PHKA1: variants seen among roughly 807,000 people sequenced by gnomAD.
PHKA1 encodes phosphorylase b kinase regulatory subunit alpha, skeletal muscle isoform.
A neutral mutation model predicts 110.2 loss-of-function variants in PHKA1; 60 were observed. That is an observed-to-expected ratio of 0.54 (90% CI 0.44 to 0.68). The LOEUF is 0.68. PHKA1 is among the 30% of genes least tolerant of loss of function. The pLI, the probability that PHKA1 is intolerant of heterozygous loss-of-function variation, is 0.00. For synonymous variants in PHKA1, 316 were observed against 333.6 expected (o/e 0.95, Z 0.58); for missense variants, 801 against 942.5 (o/e 0.85, Z 1.97).
chrX:72,593,240 G>T lies in PHKA1; in HGVS notation c.3107C>A (p.Ser1036Tyr). ...PGTSMTPSSG[S>Y]FPSAYDQQSS... Reference sequence around the variant, plus strand: ...CTGCTGATCATATGCACTAGGAAAGGACCCACTACTTGGAGTCATAGAGGT... The same window carrying T: ...CTGCTGATCATATGCACTAGGAAAGTACCCACTACTTGGAGTCATAGAGGT... Residue 1036 changes from serine to tyrosine, a missense_variant, in exon 29 of 32, where the codon TCC (serine) becomes TAC (tyrosine). This residue lies in a region of PHKA1 where 502 missense variants were observed against 519.2 expected (regional missense o/e 0.97). Transcript: ENST00000373542. The T allele has an allele frequency of 8.3e-7, 1 of 1,206,093 alleles. No homozygotes were observed. The highest frequency in any genetic ancestry group is 3.0e-5 in the East Asian group (1 of 33,848).
Position 72,618,717 on chromosome X carries a change from T to C in PHKA1, c.2362A>G (p.Thr788Ala). The C allele has an allele frequency of 8.4e-7, 1 of 1,188,724 alleles. No individual in the cohort carries two copies. The highest frequency in any genetic ancestry group is 1.7e-5 in the African/African-American group (1 of 57,387). The change falls in exon 21 of 32, where the codon ACT becomes GCT. Residue 788 changes from threonine (T) to alanine (A), a missense_variant. Transcript: ENST00000373542. Reference sequence around the variant, plus strand: ...ATAATATCCACCACTTACTTCATAGTATACAGCATATAGAGGATATCAGCT... The same window carrying C: ...ATAATATCCACCACTTACTTCATAGCATACAGCATATAGAGGATATCAGCT... ...EQADILYMLYTMKGPDWNTEL... is the reference protein window; with the variant it reads ...EQADILYMLYAMKGPDWNTEL...
At chrX:72,584,498 A>G (rs1246512700) in intron 29 of PHKA1, among the ~76,000 whole-genome samples, 196 bp from the exon 30 acceptor site, 10 of 111,693 alleles carry the variant, frequency 9.0e-5, no homozygotes, top group Non-Finnish European at 1.9e-4. Context: ...GCCAAGATGC[A>G]GGATTGGACT....
intron 3 of PHKA1, among the ~76,000 whole-genome samples, chrX:72,699,613 CA>C (rs1379146707): frequency 4.0e-5 from 4 of 99,065 alleles, no homozygotes; most frequent in South Asian, 4.6e-4. Flanking sequence ...CTGAGATTAA[CA>C]AAAAAAAATT....
At chrX:72,657,790 T>G in intron 8 of PHKA1, 149 bp from the exon 9 acceptor site, 1 of 444,977 alleles carries the variant, frequency 2.2e-6, no homozygotes, top group Non-Finnish European at 3.9e-6. Flanking sequence ...TATAATAATA[T>G]AATAATGCTT....
chrX:72,672,989 T>G (rs148487029), intron 6 of PHKA1, among the ~76,000 whole-genome samples: 1 of 112,198 alleles, frequency 8.9e-6, no homozygotes. Context: ...GAAAGACAAG[T>G]AAGGACTGAG....
At chrX:72,659,380 A>G (rs1556303070) in intron 8 of PHKA1, among the ~76,000 whole-genome samples, 2 of 110,966 alleles carry the variant, frequency 1.8e-5, no homozygotes, top group African/African-American at 6.6e-5. Flanking sequence ...CCACTTCTCC[A>G]AGGAGCCCTA....
At position 72,713,696 on chromosome X, in the gene PHKA1, ACACACC is replaced by A. The variant is rs1180765942; in HGVS notation, c.78+101_78+106del. On this transcript the variant is annotated intron_variant, in intron 1 of 31. Coordinates refer to ENST00000373542, the MANE Select transcript of PHKA1 (RefSeq NM_002637.4). ...CACACACACACACACACACACACAC[ACACACC>A]CACACACGCACGCACGCACGGAGTT... 4.9e-6 allele frequency: 3 copies of A among 611,940 alleles called. No homozygotes were observed. The African/African-American group carries it at 6.7e-5, about 14-fold the overall frequency. The allele number at this position is 611,940 out of a possible 1,213,427, so 50.4% of individuals were successfully genotyped here.
chrX:72,591,770 A>G (rs2052525233), intron 29 of PHKA1, among the ~76,000 whole-genome samples: 1 of 112,168 alleles, frequency 8.9e-6, no homozygotes, highest in Non-Finnish European at 1.9e-5. Context: ...GCCAATTTTA[A>G]TTACTGTACA....
chrX:72,682,934 T>TTAAAAAAAAAAAAAAAAA (rs1556317402), intron 5 of PHKA1, among the ~76,000 whole-genome samples: 2 of 63,857 alleles, frequency 3.1e-5, no homozygotes, highest in Admixed American at 2.0e-4. Flanking sequence ...AAAAATAAAT[T>TTAAAAAAAAAAAAAAAAA]AAAAAAAAAA....
Position 72,714,114 on chromosome X carries a change from G to T in PHKA1, c.-234C>A, listed in dbSNP as rs2054427885. On this transcript the variant is annotated 5_prime_UTR_variant, in exon 1 of 32. Transcript: ENST00000373542. Reference sequence around the variant, plus strand: ...CCAGCGCTAGCACTGGCTTCCCGCGGTCTAGAGCCCCGCCGCAGCGCCCCA... The same window carrying T: ...CCAGCGCTAGCACTGGCTTCCCGCGTTCTAGAGCCCCGCCGCAGCGCCCCA... 1 of 417,674 alleles carries T rather than the reference G, an allele frequency of 2.4e-6. No individual in the cohort carries two copies. Among genetic ancestry groups the T allele is most frequent in the Admixed American group, 4.1e-5 (1 of 24,590 alleles). The allele number at this position is 417,674 out of a possible 1,213,427, so 34.4% of individuals were successfully genotyped here.
chrX:72,626,863 G>T, intron 17 of PHKA1, 108 bp downstream of exon 17: 1 of 633,462 alleles, frequency 1.6e-6, no homozygotes, highest in Non-Finnish European at 2.7e-6. Context: ...TCAAATTGTA[G>T]ATAAGGGGGG....
intron 28 of PHKA1, among the ~76,000 whole-genome samples, chrX:72,598,616 G>C (rs2052620474): frequency 9.0e-6 from 1 of 111,686 alleles, no homozygotes; most frequent in African/African-American, 3.3e-5. Context: ...TCCATCAACT[G>C]ATGAATGGAT....
At chrX:72,641,800 T>G (rs182494508) in intron 14 of PHKA1, among the ~76,000 whole-genome samples, 27 of 111,642 alleles carry the variant, frequency 2.4e-4, no homozygotes, top group African/African-American at 7.5e-4. Flanking sequence ...GTTGCAATAA[T>G]AGAATTTTGA....
chrX:72,693,241 C>T (rs1366404983), intron 4 of PHKA1, among the ~76,000 whole-genome samples: 1 of 111,685 alleles, frequency 9.0e-6, no homozygotes, highest in Non-Finnish European at 1.9e-5. Flanking sequence ...ATAATCTATC[C>T]TGAAAAATGT....
At chrX:72,695,553 G>A (rs1344993356) in intron 4 of PHKA1, among the ~76,000 whole-genome samples, 155 bp downstream of exon 4, 7 of 111,343 alleles carry the variant, frequency 6.3e-5, no homozygotes, top group African/African-American at 2.3e-4. Context: ...GCCCTTCTTT[G>A]CCATCTCATG....
chrX:72,656,789 G>C lies in PHKA1; in HGVS notation c.919-547C>G, dbSNP rs1372711914. Among the ~76,000 whole-genome samples the C allele has an allele frequency of 2.7e-5, 3 of 111,671 alleles. No homozygotes were observed. The Admixed American group carries it at 2.9e-4, about 11-fold the overall frequency. On this transcript the variant is annotated intron_variant, in intron 9 of 31. Coordinates refer to ENST00000373542, the MANE Select transcript of PHKA1 (RefSeq NM_002637.4). The stretch of plus-strand genomic sequence containing the variant: ...AAGAGAATTTAGGGCTAGGTAAAAA[G>C]TGAGGTACCATAGAGAAGTCAAGGA...
intron 5 of PHKA1, among the ~76,000 whole-genome samples, chrX:72,682,991 G>C (rs1174888779): frequency 9.7e-6 from 1 of 102,668 alleles, no homozygotes; most frequent in Non-Finnish European, 2.0e-5. Context: ...AATAATGCCA[G>C]TTGGAAATCT....
chrX:72,636,502 C>G (rs1208811663), intron 14 of PHKA1, 116 bp from the exon 15 acceptor site: 8 of 475,725 alleles, frequency 1.7e-5, no homozygotes, highest in Non-Finnish European at 3.1e-5. Flanking sequence ...TACATATAGA[C>G]ACACACACAC....
chrX:72,695,940 T>C (rs1055211053), intron 3 of PHKA1, 64 bp from the exon 4 acceptor site: 1 of 873,578 alleles, frequency 1.1e-6, no homozygotes, highest in Admixed American at 2.2e-5. Context: ...GCCACACTTC[T>C]GTAATACTCT....
Sources: allele counts gnomAD v4.1 joint callset (sites outside exome capture counted in the v4.1 genomes callset), GRCh38; gene constraint gnomAD v4.1.1; regional missense constraint gnomAD v4.1.1; transcripts MANE v1.5; gene names NCBI Gene and HGNC (gene_info 2026-07-23, HGNC 2026-07-21).